Variants in KCND2 observed in about 807,000 individuals in gnomAD.
The protein encoded by KCND2 is A-type voltage-gated potassium channel KCND2.
Under a neutral mutation model 54.4 loss-of-function variants are expected in KCND2, and 16 were observed. The ratio of observed to expected loss-of-function variants is 0.29; its 90% confidence interval spans 0.20 to 0.45. The LOEUF (loss-of-function observed/expected upper bound fraction) is 0.45. Among genes scored for constraint, KCND2 ranks in the 20% least tolerant of loss-of-function variants. KCND2 has a pLI of 1.00. For missense variants in KCND2, 486 were observed against 824.2 expected (o/e 0.59, Z 5.02); for synonymous variants, 317 against 310.7 (o/e 1.02, Z -0.21).
chr7:120,274,282 G>A lies in KCND2; in HGVS notation c.-351G>A. 1 of 411,946 alleles carries A rather than the reference G, an allele frequency of 2.4e-6. No homozygotes were observed. Among genetic ancestry groups the A allele is most frequent in the Admixed American group, 4.0e-5 (1 of 25,026 alleles). 25.5% of individuals were successfully genotyped at this position (411,946 alleles called of 1,614,324 possible). On this transcript the variant is annotated 5_prime_UTR_variant, in exon 1 of 6. Transcript: ENST00000331113. ...GACCCTATATTATCCAGACTGTGCC[G>A]GGGAGAAATCAAAAACACCTGTTTG...
intron 1 of KCND2, among the ~76,000 whole-genome samples, chr7:120,529,873 G>A (rs569183531): frequency 6.6e-5 from 10 of 152,118 alleles, no homozygotes; most frequent in Admixed American, 2.0e-4. Flanking sequence ...ACTTGAGCGC[G>A]GAGCTCAAGA....
At chr7:120,708,181 A>C (rs1792493760) in intron 1 of KCND2, among the ~76,000 whole-genome samples, 1 of 152,168 alleles carries the variant, frequency 6.6e-6, no homozygotes, top group African/African-American at 2.4e-5. Flanking sequence ...AAGAAAATGG[A>C]AGACAAAAAA....
chr7:120,559,953 G>A (rs993425010), intron 1 of KCND2, among the ~76,000 whole-genome samples: 2 of 152,116 alleles, frequency 1.3e-5, no homozygotes, highest in Non-Finnish European at 2.9e-5. Context: ...TCAGATGAAG[G>A]ACAATGCTAA....
At chr7:120,447,677 A>G (rs1227447851) in intron 1 of KCND2, among the ~76,000 whole-genome samples, 1 of 152,182 alleles carries the variant, frequency 6.6e-6, no homozygotes, top group African/African-American at 2.4e-5. Flanking sequence ...ACGAATTTCT[A>G]ATTTCTAAGA....
chr7:120,617,785 A>G (rs921721613), intron 1 of KCND2, among the ~76,000 whole-genome samples: 1 of 152,196 alleles, frequency 6.6e-6, no homozygotes, highest in African/African-American at 2.4e-5. Context: ...AAAATATGGT[A>G]CATGTACACC....
At chr7:120,531,226 C>T (rs1791839175) in intron 1 of KCND2, among the ~76,000 whole-genome samples, 1 of 152,108 alleles carries the variant, frequency 6.6e-6, no homozygotes, top group Admixed American at 6.6e-5. Context: ...CTCCCCACTC[C>T]TAATTCACTC....
chr7:120,743,784 A>C (rs1792971101), intron 4 of KCND2, among the ~76,000 whole-genome samples: 1 of 152,212 alleles, frequency 6.6e-6, no homozygotes, highest in South Asian at 2.1e-4. Context: ...GCTGAAGGGA[A>C]AGGCAGTGTC....
intron 1 of KCND2, among the ~76,000 whole-genome samples, chr7:120,557,330 G>T (rs1245582444): frequency 1.3e-5 from 2 of 152,044 alleles, no homozygotes; most frequent in Non-Finnish European, 2.9e-5. Flanking sequence ...ATTTACAAGA[G>T]ATTATTTTTA....
intron 1 of KCND2, among the ~76,000 whole-genome samples, chr7:120,685,982 C>A (rs1047437339): frequency 6.6e-6 from 1 of 152,236 alleles, no homozygotes; most frequent in African/African-American, 2.4e-5. Context: ...GACTGAAGAT[C>A]CTCCCCACTC....
At chr7:120,448,365 T>G (rs530143168) in intron 1 of KCND2, among the ~76,000 whole-genome samples, 1 of 152,342 alleles carries the variant, frequency 6.6e-6, no homozygotes, top group Non-Finnish European at 1.5e-5. Context: ...GAACTCATCC[T>G]TTTTTATGGC....
At position 120,635,051 on chromosome 7, in the gene KCND2, CT is replaced by C. The variant is rs1793287193; in HGVS notation, c.1116-97848del. 6.6e-5 allele frequency among the ~76,000 whole-genome samples: 10 copies of C among 152,318 alleles called. No homozygotes were observed. In the South Asian group the frequency reaches 2.1e-3, roughly 32 times the overall value. ...GTTGACATCATTTTCTTAGCAAGTCCTTTTCCAGTCCATTGAACTAGGGTAG... is the reference window on the plus strand; with the variant it reads ...GTTGACATCATTTTCTTAGCAAGTCCTTTCCAGTCCATTGAACTAGGGTAG... On this transcript the variant is annotated intron_variant, in intron 1 of 5. Transcript: ENST00000331113.
chr7:120,449,763 G>A (rs2116214510), intron 1 of KCND2, among the ~76,000 whole-genome samples: 1 of 152,280 alleles, frequency 6.6e-6, no homozygotes, highest in East Asian at 1.9e-4. Context: ...TACTTACAGT[G>A]CCTGACTACC....
intron 1 of KCND2, among the ~76,000 whole-genome samples, chr7:120,681,526 TTCTCTCTCTC>T (rs144959260): frequency 2.0e-5 from 3 of 148,536 alleles, no homozygotes; most frequent in Non-Finnish European, 4.5e-5. Context: ...AACAAATAAG[TTCTCTCTCTC>T]TCTCTCTCTC....
At chr7:120,676,202 TTTAA>T (rs979944200) in intron 1 of KCND2, among the ~76,000 whole-genome samples, 35 of 152,354 alleles carry the variant, frequency 2.3e-4, no homozygotes, top group African/African-American at 7.9e-4. Context: ...ATGGCTGTTG[TTTAA>T]TTATTTTAGC....
chr7:120,384,045 G>C (rs1563028529), intron 1 of KCND2, among the ~76,000 whole-genome samples: 1 of 152,020 alleles, frequency 6.6e-6, no homozygotes, highest in Non-Finnish European at 1.5e-5. Flanking sequence ...TCAGGTCCCT[G>C]ATATAATATG....
intron 1 of KCND2, among the ~76,000 whole-genome samples, chr7:120,507,069 T>C (rs1803033483): frequency 6.6e-6 from 1 of 151,864 alleles, no homozygotes; most frequent in Non-Finnish European, 1.5e-5. Context: ...TCAGTTCAGT[T>C]GAACATTTAT....
intron 1 of KCND2, among the ~76,000 whole-genome samples, chr7:120,603,710 C>T (rs559124875): frequency 1.3e-5 from 2 of 152,292 alleles, no homozygotes; most frequent in East Asian, 3.9e-4. Context: ...CATCAGATGC[C>T]TCACAAATTC....
chr7:120,583,659 A>C (rs558288138), intron 1 of KCND2, among the ~76,000 whole-genome samples: 2 of 152,130 alleles, frequency 1.3e-5, no homozygotes, highest in African/African-American at 4.8e-5. Flanking sequence ...AAAGACACCA[A>C]TAATATTAAA....
intron 1 of KCND2, among the ~76,000 whole-genome samples, chr7:120,387,797 T>G (rs1262685740): frequency 6.6e-6 from 1 of 152,026 alleles, no homozygotes; most frequent in Non-Finnish European, 1.5e-5. Flanking sequence ...ATCAATGCCC[T>G]GTCCCTTCTT....
Sources: allele counts gnomAD v4.1 joint callset (sites outside exome capture counted in the v4.1 genomes callset), GRCh38; gene constraint gnomAD v4.1.1; transcripts MANE v1.5; gene names NCBI Gene and HGNC (gene_info 2026-07-23, HGNC 2026-07-21).